The following RASA1 variants were observed in gnomAD, a reference collection of about 807,000 sequenced individuals.
RASA1 encodes the protein RAS p21 protein activator 1.
Under a neutral mutation model 132.2 loss-of-function variants are expected in RASA1, and 25 were observed. That is an observed-to-expected ratio of 0.19 (90% CI 0.14 to 0.26). RASA1 has a LOEUF of 0.26. Among genes scored for constraint, RASA1 ranks in the 10% least tolerant of loss-of-function variants. The pLI is 1.00. For synonymous variants in RASA1, 477 were observed against 449.9 expected (o/e 1.06, Z -0.76); for missense variants, 964 against 1,299.2 (o/e 0.74, Z 3.97).
intron 1 of RASA1, among the ~76,000 whole-genome samples, chr5:87,285,642 A>G (rs1180489577): frequency 2.8e-5 from 4 of 143,288 alleles, no homozygotes; most frequent in African/African-American, 5.3e-5. Context: ...TTTTGAGACA[A>G]AGTCTCGCTC....
intron 1 of RASA1, among the ~76,000 whole-genome samples, chr5:87,280,524 G>A (rs1304659264): frequency 6.6e-6 from 1 of 151,242 alleles, no homozygotes; most frequent in African/African-American, 2.4e-5. Flanking sequence ...TGTTGGCCAG[G>A]CCGGTCCTGA....
chr5:87,277,439 G>C (rs1754118382), intron 1 of RASA1, among the ~76,000 whole-genome samples: 1 of 152,122 alleles, frequency 6.6e-6, no homozygotes, highest in African/African-American at 2.4e-5. Context: ...TATAGGACGG[G>C]TACCTTTATA....
At chr5:87,364,285 A>G (rs1172056231) in intron 11 of RASA1, among the ~76,000 whole-genome samples, 1 of 152,124 alleles carries the variant, frequency 6.6e-6, no homozygotes, top group Non-Finnish European at 1.5e-5. Context: ...ATACCTGTAA[A>G]ATATATAGCC....
In RASA1 at chr5:87,268,515, G is replaced by A. The variant is rs371413736; in HGVS notation, c.64G>A (p.Gly22Ser). 1 of 1,577,622 alleles carries A rather than the reference G, an allele frequency of 6.3e-7. No homozygotes were observed. Among genetic ancestry groups the A allele is most frequent in the Non-Finnish European group, 8.6e-7 (1 of 1,162,922 alleles). The change falls in exon 1 of 25, where the codon GGC (glycine) becomes AGC (serine). Residue 22 changes from glycine (G) to serine (S), a missense_variant. Gly to Ser is a moderately conservative substitution (Grantham distance 56). Coordinates refer to ENST00000274376, the MANE Select transcript of RASA1 (RefSeq NM_002890.3). ...GGTAACAGCCGGAGCTGGAGGAGGC[G>A]GCGCGGCAGCGGGCTCCAGTGCCTA... ...GPVTAGAGGG[G>S]AAAGSSAYPA...
Position 87,380,959 on chromosome 5 carries a change from T to C in RASA1, c.2690+364T>C, listed in dbSNP as rs77996308. 7.8e-3 allele frequency among the ~76,000 whole-genome samples: 1,193 copies of C among 152,288 alleles called. 21 individuals are homozygous for C. Among genetic ancestry groups the C allele is most frequent in the African/African-American group, 0.027 (1,143 of 41,568 alleles). On this transcript the variant is annotated intron_variant, in intron 20 of 24. Transcript: ENST00000274376. ...AAGGGCAGTAATTGACCGATTTAGA[T>C]ATTAATTGGTTTGTTACAATCTGTG...
intron 1 of RASA1, among the ~76,000 whole-genome samples, chr5:87,294,717 T>A (rs992519284): frequency 6.6e-6 from 1 of 152,224 alleles, no homozygotes; most frequent in East Asian, 1.9e-4. Flanking sequence ...TAGTAGACAT[T>A]ATATGATTTC....
intron 1 of RASA1, among the ~76,000 whole-genome samples, chr5:87,272,084 G>A (rs1187380407): frequency 6.6e-6 from 1 of 151,692 alleles, no homozygotes; most frequent in Admixed American, 6.6e-5. Context: ...GGGAGGGGGC[G>A]GTTGCAGTGA....
intron 1 of RASA1, among the ~76,000 whole-genome samples, chr5:87,295,101 A>C (rs1179731091): frequency 6.6e-6 from 1 of 152,006 alleles, no homozygotes; most frequent in Non-Finnish European, 1.5e-5. Context: ...GCCTCTCTTT[A>C]TCCCTGGTAA....
chr5:87,273,895 A>C (rs922385695), intron 1 of RASA1, among the ~76,000 whole-genome samples: 2 of 151,756 alleles, frequency 1.3e-5, no homozygotes, highest in Middle Eastern at 3.2e-3. Flanking sequence ...ACGGGGTTTC[A>C]CTCTGTTGGC....
At chr5:87,336,493 T>G (rs1477697757) in intron 4 of RASA1, among the ~76,000 whole-genome samples, 2 of 152,094 alleles carry the variant, frequency 1.3e-5, no homozygotes, top group African/African-American at 4.8e-5. Context: ...TAAAAATACC[T>G]TAAAAATTAA....
chr5:87,280,469 C>T (rs556172131), intron 1 of RASA1, among the ~76,000 whole-genome samples: 131 of 152,164 alleles, frequency 8.6e-4, no homozygotes, highest in Non-Finnish European at 1.5e-3. Flanking sequence ...CCTGCCACCA[C>T]GCCTGGCTAA....
Position 87,269,010 on chromosome 5 carries a change from C to G in RASA1, c.539+20C>G. The G allele has an allele frequency of 2.5e-6, 4 of 1,614,192 alleles. No individual in the cohort carries two copies. Among genetic ancestry groups the G allele is most frequent in the Non-Finnish European group, 3.4e-6 (4 of 1,180,032 alleles). On this transcript the variant is annotated intron_variant, in intron 1 of 24. Coordinates refer to ENST00000274376, the MANE Select transcript of RASA1 (RefSeq NM_002890.3). Reference sequence around the variant, plus strand: ...TAACCAGTAAGTTAAGACTGCTGTTCAGGAATTTGGGAAGCTGGCTCCAGA... The same window carrying G: ...TAACCAGTAAGTTAAGACTGCTGTTGAGGAATTTGGGAAGCTGGCTCCAGA...
At chr5:87,326,823 A>G (rs907779057) in intron 1 of RASA1, among the ~76,000 whole-genome samples, 1 of 152,190 alleles carries the variant, frequency 6.6e-6, no homozygotes, top group Non-Finnish European at 1.5e-5. Flanking sequence ...TATAATGTTC[A>G]AAAAGAGTTT....
intron 6 of RASA1, among the ~76,000 whole-genome samples, chr5:87,346,146 C>T (rs1435376953): frequency 6.6e-6 from 1 of 152,020 alleles, no homozygotes; most frequent in African/African-American, 2.4e-5. Flanking sequence ...GTTGAGAACA[C>T]TAAGTCCTTC....
At chr5:87,342,880 T>C (rs1199030610) in intron 6 of RASA1, among the ~76,000 whole-genome samples, 4 of 152,176 alleles carry the variant, frequency 2.6e-5, no homozygotes, top group Admixed American at 6.5e-5. Context: ...TTTAAAAATA[T>C]AGGTTAAATG....
At chr5:87,301,789 T>G (rs901420382) in intron 1 of RASA1, among the ~76,000 whole-genome samples, 1 of 152,184 alleles carries the variant, frequency 6.6e-6, no homozygotes, top group South Asian at 2.1e-4. Flanking sequence ...ATTTTCAGAT[T>G]AGGGATACTC....
At chr5:87,356,037 T>C (rs1011343377) in intron 9 of RASA1, among the ~76,000 whole-genome samples, 2 of 152,230 alleles carry the variant, frequency 1.3e-5, no homozygotes, top group African/African-American at 2.4e-5. Flanking sequence ...TCTCTTGAGA[T>C]AGAATCTACT....
chr5:87,281,667 G>A (rs556528997), intron 1 of RASA1, among the ~76,000 whole-genome samples: 102 of 152,010 alleles, frequency 6.7e-4, no homozygotes, highest in African/African-American at 2.3e-3. Flanking sequence ...TGCAACCTCC[G>A]CCTCCTGGGT....
At chr5:87,323,111 T>C (rs1216669163) in intron 1 of RASA1, among the ~76,000 whole-genome samples, 4 of 152,198 alleles carry the variant, frequency 2.6e-5, no homozygotes, top group African/African-American at 7.2e-5. Context: ...ATAACTGATA[T>C]TTCCATGACT....
Sources: gnomAD v4.1 joint callset for allele counts (sites outside exome capture counted in the v4.1 genomes callset) on GRCh38, gnomAD v4.1.1 for gene constraint, MANE v1.5 for transcripts, NCBI Gene and HGNC (gene_info 2026-07-23, HGNC 2026-07-21) for gene names.